The following PPARGC1A variants were observed in gnomAD, a reference collection of about 807,000 sequenced individuals.
The protein encoded by PPARGC1A is peroxisome proliferator-activated receptor gamma coactivator 1-alpha.
Under a neutral mutation model 88.7 loss-of-function variants are expected in PPARGC1A, and 25 were observed. The ratio of observed to expected loss-of-function variants is 0.28; its 90% CI spans 0.21 to 0.39. The LOEUF (loss-of-function observed/expected upper bound fraction) is 0.39. Among genes scored for constraint, PPARGC1A ranks in the 10% least tolerant of loss-of-function variants. The probability of loss-of-function intolerance (pLI) is 1.00; values close to 1 mark genes in which losing one functional copy is unlikely to be tolerated. For missense variants in PPARGC1A, 880 were observed against 968.7 expected (o/e 0.91, Z 1.22); for synonymous variants, 363 against 355.6 (o/e 1.02, Z -0.24).
At chr4:24,285,068 C>T in the PPARGC1A span, among the ~76,000 whole-genome samples, 21 of 152,078 alleles carry the variant, frequency 1.4e-4, no homozygotes, top group Admixed American at 1.3e-4. Flanking sequence ...AAAAATCATG[C>T]AGTGAGGCAA....
intron 2 of PPARGC1A, among the ~76,000 whole-genome samples, chr4:23,849,396 C>G (rs556249928): frequency 6.6e-6 from 1 of 152,284 alleles, no homozygotes; most frequent in Non-Finnish European, 1.5e-5. Context: ...ATCTTTAGCC[C>G]TGAATACATG....
At chr4:24,117,628 A>C in the PPARGC1A span, among the ~76,000 whole-genome samples, 1 of 151,516 alleles carries the variant, frequency 6.6e-6, no homozygotes, top group South Asian at 2.1e-4. Context: ...ACACTTACAA[A>C]AAGAGCTCAG....
chr4:23,922,732 G>T, the PPARGC1A span, among the ~76,000 whole-genome samples: 3 of 152,140 alleles, frequency 2.0e-5, no homozygotes, highest in African/African-American at 7.2e-5. Context: ...TGAACAGAAG[G>T]CATCCCGTGG....
the PPARGC1A span, among the ~76,000 whole-genome samples, chr4:24,384,875 G>A: frequency 1.6e-3 from 250 of 152,240 alleles, no homozygotes; most frequent in African/African-American, 5.8e-3. Flanking sequence ...CTTGAACTCA[G>A]CTCTGGACCA....
chr4:24,207,516 C>T, the PPARGC1A span, among the ~76,000 whole-genome samples: 6 of 152,190 alleles, frequency 3.9e-5, no homozygotes, highest in Non-Finnish European at 5.9e-5. Flanking sequence ...CAGTCATTTG[C>T]TGAAAAGAAA....
chr4:23,845,132 C>A (rs1056602701), intron 2 of PPARGC1A, among the ~76,000 whole-genome samples: 1 of 151,798 alleles, frequency 6.6e-6, no homozygotes, highest in African/African-American at 2.4e-5. Flanking sequence ...ACAGCAGCAC[C>A]AGGACTTTAG....
chr4:23,913,528 A>G, the PPARGC1A span, among the ~76,000 whole-genome samples: 1 of 152,000 alleles, frequency 6.6e-6, no homozygotes, highest in Non-Finnish European at 1.5e-5. Context: ...AGCCCAGGAT[A>G]GTAACTTTCA....
the PPARGC1A span, among the ~76,000 whole-genome samples, chr4:24,322,950 T>C: frequency 6.6e-6 from 1 of 151,374 alleles, no homozygotes; most frequent in Non-Finnish European, 1.5e-5. Flanking sequence ...ATTATCTACA[T>C]TGTCTTCGGT....
At chr4:24,360,947 T>A in the PPARGC1A span, among the ~76,000 whole-genome samples, 1 of 152,154 alleles carries the variant, frequency 6.6e-6, no homozygotes, top group African/African-American at 2.4e-5. Flanking sequence ...TATTAGCTAG[T>A]GCTCATTTAG....
the PPARGC1A span, among the ~76,000 whole-genome samples, chr4:24,344,910 C>T: frequency 6.6e-6 from 1 of 152,018 alleles, no homozygotes; most frequent in African/African-American, 2.4e-5. Context: ...GTTGTTAATC[C>T]ATCTTGAGTT....
chr4:24,064,990 T>C, the PPARGC1A span, among the ~76,000 whole-genome samples: 5 of 152,202 alleles, frequency 3.3e-5, no homozygotes, highest in Non-Finnish European at 5.9e-5. Context: ...TAGTTGTGCA[T>C]TGAGCTCTCT....
intron 10 of PPARGC1A, among the ~76,000 whole-genome samples, chr4:23,811,991 C>T (rs929671245): frequency 4.3e-5 from 6 of 138,566 alleles, no homozygotes; most frequent in Non-Finnish European, 9.1e-5. Context: ...GATCTCAGCT[C>T]ATTGCAACCT....
chr4:24,015,967 G>A, the PPARGC1A span, among the ~76,000 whole-genome samples: 2 of 152,184 alleles, frequency 1.3e-5, no homozygotes, highest in African/African-American at 2.4e-5. Flanking sequence ...AAAGGCATGA[G>A]TTCACTGGAA....
the PPARGC1A span, among the ~76,000 whole-genome samples, chr4:24,430,753 G>A: frequency 6.6e-6 from 1 of 152,116 alleles, no homozygotes; most frequent in Admixed American, 6.5e-5. Flanking sequence ...CCTGGAGCCA[G>A]GGAAGCCTGC....
At chr4:24,099,764 G>A in the PPARGC1A span, among the ~76,000 whole-genome samples, 6 of 151,916 alleles carry the variant, frequency 3.9e-5, no homozygotes, top group Admixed American at 1.3e-4. Context: ...CCATTTACTC[G>A]TAATACCAAC....
chr4:24,175,049 T>C, the PPARGC1A span, among the ~76,000 whole-genome samples: 1 of 152,302 alleles, frequency 6.6e-6, no homozygotes, highest in East Asian at 1.9e-4. Flanking sequence ...TTTCTAAAAG[T>C]AACTACTGCC....
chr4:24,315,523 G>A, the PPARGC1A span, among the ~76,000 whole-genome samples: 1 of 152,208 alleles, frequency 6.6e-6, no homozygotes, highest in Non-Finnish European at 1.5e-5. Flanking sequence ...GAGGTGAGAT[G>A]TGTCCACAAA....
chr4:24,362,889 A>C, the PPARGC1A span, among the ~76,000 whole-genome samples: 1 of 152,214 alleles, frequency 6.6e-6, no homozygotes, highest in Non-Finnish European at 1.5e-5. Flanking sequence ...GCTCCTTTCA[A>C]ATATCAAGCG....
At chr4:23,902,177 T>A (rs1719486798), upstream of PPARGC1A, among the ~76,000 whole-genome samples, 1 of 152,228 alleles carries the variant, frequency 6.6e-6, no homozygotes, top group Admixed American at 6.5e-5. Context: ...TTAAAATTTT[T>A]AAAAATGTAG....
Sources: allele counts gnomAD v4.1 joint callset (sites outside exome capture counted in the v4.1 genomes callset), GRCh38; gene constraint gnomAD v4.1.1; transcripts MANE v1.5; gene names NCBI Gene and HGNC (gene_info 2026-07-23, HGNC 2026-07-21).